The following STX18 variants were observed in gnomAD, a reference collection of about 807,000 sequenced individuals.
STX18 encodes syntaxin 18, also known as syntaxin-18.
In STX18, 40 loss-of-function variants were observed where a neutral mutation model predicts 50.1. That is an observed-to-expected ratio of 0.80 (90% confidence interval 0.62 to 1.04). STX18 has a LOEUF of 1.04. Among genes scored for constraint, STX18 ranks in the 50% least tolerant of loss-of-function variants. STX18 has a pLI of 0.00. For synonymous variants in STX18, 158 were observed against 151.8 expected (o/e 1.04, Z -0.30); for missense variants, 410 against 415.8 (o/e 0.99, Z 0.12).
At chr4:4,489,700 G>C (rs1728859595) in intron 1 of STX18, among the ~76,000 whole-genome samples, 2 of 151,978 alleles carry the variant, frequency 1.3e-5, no homozygotes, top group African/African-American at 2.4e-5. Flanking sequence ...GGGCTCAACT[G>C]CTAAAAATGG....
At chr4:4,461,220 T>C (rs999591998) in intron 2 of STX18, among the ~76,000 whole-genome samples, 3 of 152,208 alleles carry the variant, frequency 2.0e-5, no homozygotes, top group Non-Finnish European at 4.4e-5. Context: ...TATATATACA[T>C]TAACCTTCTA....
intron 5 of STX18, among the ~76,000 whole-genome samples, chr4:4,449,559 C>T (rs906650374): frequency 3.9e-5 from 6 of 152,280 alleles, no homozygotes; most frequent in South Asian, 2.1e-4. Flanking sequence ...TGTTTCCTCG[C>T]GGTTGGATTC....
At chr4:4,460,320 C>A (rs931804746) in intron 2 of STX18, among the ~76,000 whole-genome samples, 1 of 152,122 alleles carries the variant, frequency 6.6e-6, no homozygotes, top group Non-Finnish European at 1.5e-5. Context: ...AATGAATGAG[C>A]CTGAGTTGGA....
chr4:4,536,192 C>T (rs1480227115), intron 1 of STX18, among the ~76,000 whole-genome samples: 4 of 152,222 alleles, frequency 2.6e-5, no homozygotes, highest in Admixed American at 1.3e-4. Flanking sequence ...ATGTGAGTAT[C>T]ACAGAGCTTT....
intron 7 of STX18, chr4:4,425,469 G>A (rs893989269): frequency 1.7e-6 from 1 of 587,194 alleles, no homozygotes; most frequent in African/African-American, 1.9e-5. Flanking sequence ...TGCACTCCAG[G>A]GGTACAAGCT....
intron 1 of STX18, among the ~76,000 whole-genome samples, chr4:4,524,160 A>T (rs1318817379): frequency 3.3e-5 from 5 of 152,222 alleles, no homozygotes; most frequent in Non-Finnish European, 5.9e-5. Context: ...GTAAGTGACT[A>T]TGAGTAAGTG....
At chr4:4,484,152 G>T (rs188418800) in intron 1 of STX18, among the ~76,000 whole-genome samples, 7 of 152,154 alleles carry the variant, frequency 4.6e-5, no homozygotes, top group African/African-American at 1.7e-4. Flanking sequence ...GTGAGCCACC[G>T]TGCCCGGCCC....
intron 5 of STX18, among the ~76,000 whole-genome samples, chr4:4,447,467 TGTAGTCCCAGCTACTCG>T (rs1410914837): frequency 6.6e-6 from 1 of 151,148 alleles, no homozygotes; most frequent in Non-Finnish European, 1.5e-5. Flanking sequence ...AGCGGGCGCC[TGTAGTCCCAGCTACTCG>T]GGAGGCTGAG....
chr4:4,504,787 A>G (rs2108883234), intron 1 of STX18, among the ~76,000 whole-genome samples: 1 of 152,344 alleles, frequency 6.6e-6, no homozygotes, highest in South Asian at 2.1e-4. Flanking sequence ...GCTGAAATAA[A>G]AAATACTAAA....
At chr4:4,469,225 C>G (rs1727786592) in intron 2 of STX18, among the ~76,000 whole-genome samples, 1 of 152,184 alleles carries the variant, frequency 6.6e-6, no homozygotes, top group African/African-American at 2.4e-5. Context: ...CAAGTCTAGC[C>G]TGCAGGCATG....
Position 4,457,186 on chromosome 4 carries a change from C to T in STX18, c.497+5G>A. The T allele has an allele frequency of 6.2e-7, 1 of 1,612,562 alleles. No homozygotes were observed. Among genetic ancestry groups the T allele is most frequent in the Non-Finnish European group, 8.5e-7 (1 of 1,178,698 alleles). ...TTAAGAAACACCAATGAAAGCAATA[C>T]TTACAATCTTTTCTTATCCACCACT... On this transcript the variant is annotated splice_donor_5th_base_variant and intron_variant, in intron 5 of 10. Coordinates refer to ENST00000306200, the MANE Select transcript of STX18 (RefSeq NM_016930.4).
intron 6 of STX18, 124 bp downstream of exon 6, chr4:4,438,270 T>G: frequency 1.4e-6 from 1 of 738,582 alleles, no homozygotes; most frequent in Non-Finnish European, 2.2e-6. Flanking sequence ...CCTGCTTCCT[T>G]TGCTTTATGC....
At chr4:4,510,345 T>C (rs904490633) in intron 1 of STX18, among the ~76,000 whole-genome samples, 1 of 152,184 alleles carries the variant, frequency 6.6e-6, no homozygotes, top group Non-Finnish European at 1.5e-5. Context: ...GTGTGTAAAA[T>C]ATAAGTAATC....
intron 7 of STX18, chr4:4,426,190 G>A (rs1374202152): frequency 6.6e-6 from 1 of 152,192 alleles, no homozygotes; most frequent in African/African-American, 2.4e-5. Context: ...GTCCCTTTCT[G>A]CCTTGTAATA....
At chr4:4,532,219 A>G (rs745569408) in intron 1 of STX18, among the ~76,000 whole-genome samples, 2 of 152,214 alleles carry the variant, frequency 1.3e-5, no homozygotes, top group Non-Finnish European at 2.9e-5. Flanking sequence ...AATGTTTGGA[A>G]AGTTAAACAC....
chr4:4,512,348 T>C (rs1251657606), intron 1 of STX18, among the ~76,000 whole-genome samples: 1 of 151,616 alleles, frequency 6.6e-6, no homozygotes, highest in Non-Finnish European at 1.5e-5. Context: ...AAAAAAAAAA[T>C]CTTAGGAAAG....
At chr4:4,486,776 T>A (rs1728719091) in intron 1 of STX18, among the ~76,000 whole-genome samples, 1 of 152,236 alleles carries the variant, frequency 6.6e-6, no homozygotes, top group South Asian at 2.1e-4. Flanking sequence ...ATATTTGAGT[T>A]CCTCAAAATA....
At position 4,419,382 on chromosome 4, in the gene STX18, C is replaced by A. The variant is rs1001314049; in HGVS notation, c.*652G>T. ...ATGCCAGGCAGCCCCTCACTGAGGG[C>A]CCCAGTCTCCCCTGCATTTCTTCCC... On this transcript the variant is annotated 3_prime_UTR_variant, in exon 11 of 11. Coordinates refer to ENST00000306200, the MANE Select transcript of STX18 (RefSeq NM_016930.4). 6 of 152,190 alleles carry A rather than the reference C, an allele frequency of 3.9e-5. No individual in the cohort carries two copies. Among genetic ancestry groups the A allele is most frequent in the Admixed American group, 3.9e-4 (6 of 15,274 alleles). The allele number at this position is 152,190 out of a possible 1,614,324, so 9.4% of individuals were successfully genotyped here.
intron 9 of STX18, among the ~76,000 whole-genome samples, chr4:4,422,484 G>A (rs1215448368): frequency 2.0e-5 from 3 of 150,960 alleles, no homozygotes; most frequent in Admixed American, 1.3e-4. Flanking sequence ...CAGGAGAATC[G>A]CTTGAACCTG....
Sources: gnomAD v4.1 joint callset for allele counts (sites outside exome capture counted in the v4.1 genomes callset) on GRCh38, gnomAD v4.1.1 for gene constraint, MANE v1.5 for transcripts, NCBI Gene and HGNC (gene_info 2026-07-23, HGNC 2026-07-21) for gene names.